Variants in ST18 observed in about 807,000 individuals in gnomAD.
The protein encoded by ST18 is suppression of tumorigenicity 18 protein.
A neutral mutation model predicts 110.0 loss-of-function variants in ST18; 50 were observed. The ratio of observed to expected loss-of-function variants is 0.45; its 90% confidence interval spans 0.36 to 0.58. The LOEUF (loss-of-function observed/expected upper bound fraction) is 0.58. Ranked by LOEUF, ST18 falls within the 20% of genes least tolerant of loss-of-function variation. ST18 has a pLI of 0.00. For synonymous variants in ST18, 461 were observed against 452.4 expected, an observed-to-expected ratio of 1.02 and a Z score of -0.24; for missense variants, 1,306 against 1,280.1, an observed-to-expected ratio of 1.02 and a Z score of -0.31.
intron 2 of ST18, among the ~76,000 whole-genome samples, chr8:52,346,097 A>T (rs770825926): frequency 3.3e-5 from 5 of 151,788 alleles, no homozygotes; most frequent in African/African-American, 1.2e-4. Flanking sequence ...ACCCCAAATA[A>T]TAAAATTAAA....
chr8:52,230,984 T>TA (rs1440545149), intron 2 of ST18, among the ~76,000 whole-genome samples: 1 of 152,012 alleles, frequency 6.6e-6, no homozygotes, highest in Non-Finnish European at 1.5e-5. Flanking sequence ...AGATTCAAGG[T>TA]AAAAAACAAC....
intron 2 of ST18, among the ~76,000 whole-genome samples, chr8:52,401,092 G>A (rs192735917): frequency 6.6e-6 from 1 of 152,228 alleles, no homozygotes; most frequent in East Asian, 1.9e-4. Flanking sequence ...ACTACTAAGT[G>A]TAATATTCTT....
intron 8 of ST18, 110 bp from the exon 9 acceptor site, chr8:52,180,422 G>C (rs1006969719): frequency 1.6e-6 from 2 of 1,218,282 alleles, no homozygotes; most frequent in African/African-American, 1.5e-5. Context: ...GGGACTAGAG[G>C]TTTAGGGTTG....
At chr8:52,282,637 T>C (rs780678426) in intron 2 of ST18, among the ~76,000 whole-genome samples, 7 of 152,038 alleles carry the variant, frequency 4.6e-5, no homozygotes, top group African/African-American at 1.7e-4. Context: ...CAGAAAATAG[T>C]CCACAGGCAG....
At position 52,238,308 on chromosome 8, in the gene ST18, C is replaced by T. The variant is rs533980214; in HGVS notation, c.-464-8231G>A. On this transcript the variant is annotated intron_variant, in intron 2 of 25. Coordinates refer to ENST00000689386, the MANE Select transcript of ST18 (RefSeq NM_001352837.2). ...CACAGTAGCCAAAAATTGGAAACAACCCAAATGTCTATCAACCAATCAAAG... is the reference window on the plus strand; with the variant it reads ...CACAGTAGCCAAAAATTGGAAACAATCCAAATGTCTATCAACCAATCAAAG... Among the ~76,000 whole-genome samples, 3 of 152,160 alleles carry T rather than the reference C, an allele frequency of 2.0e-5. No individual in the cohort carries two copies. The East Asian group carries it at 5.8e-4, about 29-fold the overall frequency.
intron 2 of ST18, among the ~76,000 whole-genome samples, chr8:52,390,710 C>T (rs1839017233): frequency 6.6e-6 from 1 of 152,192 alleles, no homozygotes; most frequent in African/African-American, 2.4e-5. Flanking sequence ...TGGCTGCAGA[C>T]GTGGGCTTCT....
chr8:52,212,599 C>T lies in ST18; in HGVS notation c.56-490G>A, dbSNP rs544406317. Among the ~76,000 whole-genome samples the T allele has an allele frequency of 5.3e-5, 8 of 152,184 alleles. No individual in the cohort carries two copies. In the East Asian group the frequency reaches 5.8e-4, roughly 11 times the overall value. On this transcript the variant is annotated intron_variant, in intron 7 of 25. Transcript: ENST00000689386. ...ATGAGCTTCAGCCATGTTAATATCA[C>T]CAACCTTTTAAAAATGAAGAACTTA...
intron 14 of ST18, 120 bp downstream of exon 14, chr8:52,161,255 C>G: frequency 4.2e-6 from 4 of 948,046 alleles, no homozygotes; most frequent in Non-Finnish European, 6.1e-6. Context: ...TATATTTTCT[C>G]TCCTGCCAGC....
intron 2 of ST18, among the ~76,000 whole-genome samples, chr8:52,399,227 A>G (rs761038900): frequency 2.0e-4 from 31 of 152,004 alleles, no homozygotes; most frequent in Non-Finnish European, 4.1e-4. Context: ...TTGGCATACA[A>G]TTGTTCAGAA....
At chr8:52,323,381 TC>T (rs1287053440) in intron 2 of ST18, among the ~76,000 whole-genome samples, 1 of 152,194 alleles carries the variant, frequency 6.6e-6, no homozygotes, top group Non-Finnish European at 1.5e-5. Flanking sequence ...AAGCACTACA[TC>T]CTCCTTGAAA....
intron 2 of ST18, among the ~76,000 whole-genome samples, chr8:52,350,029 C>A (rs1338038228): frequency 6.6e-6 from 1 of 152,078 alleles, no homozygotes; most frequent in East Asian, 1.9e-4. Context: ...TGTTCCACAC[C>A]CCGCAGGACC....
rs926328864 is a variant in ST18 at position 52,117,404 on chromosome 8, C to A, written c.2859+934G>T. ...AGCCCCCTGCCATTCTAGCATACAACACCATTGATCATTTATGACTTTTTT... is the reference window on the plus strand; with the variant it reads ...AGCCCCCTGCCATTCTAGCATACAAAACCATTGATCATTTATGACTTTTTT... On this transcript the variant is annotated intron_variant, in intron 24 of 25. Transcript: ENST00000689386. 2.0e-5 allele frequency among the ~76,000 whole-genome samples: 3 copies of A among 152,334 alleles called. No homozygotes were observed. In the South Asian group the frequency reaches 6.2e-4, roughly 32 times the overall value.
At chr8:52,186,581 A>G (rs565394135) in intron 8 of ST18, among the ~76,000 whole-genome samples, 33 of 152,356 alleles carry the variant, frequency 2.2e-4, no homozygotes, top group African/African-American at 7.7e-4. Flanking sequence ...TGAAAGAGCC[A>G]TGTCCATATA....
At chr8:52,223,445 A>T (rs1160103447) in intron 3 of ST18, among the ~76,000 whole-genome samples, 2 of 152,090 alleles carry the variant, frequency 1.3e-5, no homozygotes, top group Non-Finnish European at 2.9e-5. Context: ...GGAGTTTGAG[A>T]CCAGCCTGGC....
chr8:52,253,836 G>A (rs933761189), intron 2 of ST18, among the ~76,000 whole-genome samples: 1 of 151,970 alleles, frequency 6.6e-6, no homozygotes, highest in South Asian at 2.1e-4. Flanking sequence ...AAATTTGCAC[G>A]TTTCAAAAAT....
At chr8:52,158,422 A>C (rs1015785568) in intron 15 of ST18, among the ~76,000 whole-genome samples, 2 of 152,252 alleles carry the variant, frequency 1.3e-5, no homozygotes, top group Non-Finnish European at 2.9e-5. Context: ...TATGTTACAC[A>C]ATAGTAACAA....
intron 9 of ST18, among the ~76,000 whole-genome samples, chr8:52,175,204 GGTATCC>G (rs1554665373): frequency 2.0e-5 from 3 of 152,136 alleles, no homozygotes; most frequent in Non-Finnish European, 4.4e-5. Flanking sequence ...ATACCCAATA[GGTATCC>G]AGTCAAGGGT....
intron 17 of ST18, among the ~76,000 whole-genome samples, chr8:52,139,169 A>C (rs1204446509): frequency 1.3e-5 from 2 of 152,130 alleles, no homozygotes; most frequent in African/African-American, 2.4e-5. Context: ...ATTTCGGCTG[A>C]GTTATCTTGC....
intron 2 of ST18, among the ~76,000 whole-genome samples, chr8:52,366,730 C>A (rs1326127898): frequency 6.6e-6 from 1 of 152,180 alleles, no homozygotes; most frequent in Non-Finnish European, 1.5e-5. Flanking sequence ...CTTTAATTTT[C>A]TTCACCAATT....
Sources: gnomAD v4.1 joint callset for allele counts (sites outside exome capture counted in the v4.1 genomes callset) on GRCh38, gnomAD v4.1.1 for gene constraint, MANE v1.5 for transcripts, NCBI Gene and HGNC (gene_info 2026-07-23, HGNC 2026-07-21) for gene names.